The following GALNS variants were observed in gnomAD, a reference collection of about 807,000 sequenced individuals.
GALNS encodes galactosamine (N-acetyl)-6-sulfatase, also known as N-acetylgalactosamine-6-sulfatase.
GALNS carries 65 observed loss-of-function variants against 65.9 expected under a neutral mutation model. That is an observed-to-expected ratio of 0.99 (90% CI 0.81 to 1.21). The LOEUF (loss-of-function observed/expected upper bound fraction) is 1.21, where lower values mean the gene tolerates loss of function less well. GALNS is among the 50% of genes most tolerant of loss of function. The pLI is 0.00. For missense variants in GALNS, 776 were observed against 700.7 expected (o/e 1.11, Z -1.21); for synonymous variants, 346 against 288.9 (o/e 1.20, Z -2.00).
Position 88,831,971 on chromosome 16 carries a change from C to T in GALNS, c.1002+27G>A, listed in dbSNP as rs372660716. 1.3e-5 allele frequency: 21 copies of T among 1,601,784 alleles called. No individual in the cohort carries two copies. In the African/African-American group the frequency reaches 2.1e-4, roughly 16 times the overall value. On this transcript the variant is annotated intron_variant, in intron 9 of 13. Transcript: ENST00000268695. Reference sequence around the variant, plus strand: ...ATGGCTGCAGGCCTGGACCTGCTGCCCGGCAGACCGGTGGACGCTGACTCA... The same window carrying T: ...ATGGCTGCAGGCCTGGACCTGCTGCTCGGCAGACCGGTGGACGCTGACTCA...
intron 13 of GALNS, chr16:88,816,526 GCCC>G: frequency 2.1e-6 from 2 of 943,964 alleles, no homozygotes; most frequent in Non-Finnish European, 2.5e-6. Context: ...CCCGCCCCCC[GCCC>G]CCCAACTAAC....
At chr16:88,850,541 C>A (rs1329350001) in intron 1 of GALNS, among the ~76,000 whole-genome samples, 1 of 152,082 alleles carries the variant, frequency 6.6e-6, no homozygotes, top group Non-Finnish European at 1.5e-5. Flanking sequence ...TCCACGCTCA[C>A]CACTGACTCA....
intron 11 of GALNS, 53 bp from the exon 12 acceptor site, chr16:88,822,763 A>G: frequency 6.3e-7 from 1 of 1,595,432 alleles, no homozygotes; most frequent in Non-Finnish European, 8.5e-7. Flanking sequence ...TGCGGCCGTG[A>G]GGGGCCTCGT....
intron 7 of GALNS, 56 bp downstream of exon 7, chr16:88,835,669 G>C (rs1912042582): frequency 6.2e-7 from 1 of 1,610,936 alleles, no homozygotes; most frequent in Admixed American, 1.7e-5. Flanking sequence ...CATCTCTGGA[G>C]TCAAGCACAG....
chr16:88,835,145 CGGTCCA>C lies in GALNS; in HGVS notation c.898+62_898+67del. 4 of 1,545,924 alleles carry C rather than the reference CGGTCCA, an allele frequency of 2.6e-6. No homozygotes were observed. The South Asian group carries it at 4.8e-5, about 18-fold the overall frequency. ...CCACCACAGACCCCGTGGGCACAGCCGGTCCAGGCACTCTTCGCTGACACGCTGGCT... is the reference window on the plus strand; with the variant it reads ...CCACCACAGACCCCGTGGGCACAGCCGGCACTCTTCGCTGACACGCTGGCT... On this transcript the variant is annotated intron_variant, in intron 8 of 13. Transcript: ENST00000268695.
intron 4 of GALNS, 21 bp from the exon 5 acceptor site, chr16:88,837,786 C>T (rs773015041): frequency 3.7e-6 from 6 of 1,613,570 alleles, no homozygotes; most frequent in Non-Finnish European, 5.1e-6. Context: ...GAACCCAGGA[C>T]ACTTCAGGGA....
intron 8 of GALNS, among the ~76,000 whole-genome samples, chr16:88,834,834 G>A (rs528310516): frequency 1.1e-3 from 173 of 152,316 alleles, no homozygotes; most frequent in Admixed American, 2.0e-3. Flanking sequence ...CACACTCACA[G>A]GGCTGCTCGG....
chr16:88,827,337 G>C (rs1187597891), intron 9 of GALNS, among the ~76,000 whole-genome samples: 4 of 152,184 alleles, frequency 2.6e-5, no homozygotes, highest in Non-Finnish European at 5.9e-5. Context: ...ACAGGCAGGA[G>C]GCTGTCTTTC....
At chr16:88,823,404 G>A (rs1312613772) in intron 11 of GALNS, among the ~76,000 whole-genome samples, 1 of 152,270 alleles carries the variant, frequency 6.6e-6, no homozygotes, top group Non-Finnish European at 1.5e-5. Context: ...GAAAGGCGAG[G>A]TATGCCTCTA....
chr16:88,824,907 A>G (rs772353990), intron 10 of GALNS, 38 bp from the exon 11 acceptor site: 2 of 1,578,800 alleles, frequency 1.3e-6, no homozygotes, highest in Non-Finnish European at 1.7e-6. Flanking sequence ...AATGACAGGA[A>G]GGACACGCTG....
chr16:88,818,625 C>T (rs1171848563), intron 12 of GALNS, among the ~76,000 whole-genome samples: 1 of 152,200 alleles, frequency 6.6e-6, no homozygotes, highest in African/African-American at 2.4e-5. Flanking sequence ...TTCATCTTCA[C>T]GAAGATACGA....
chr16:88,817,985 C>T (rs768521621), intron 13 of GALNS, 22 bp downstream of exon 13: 18 of 1,549,034 alleles, frequency 1.2e-5, no homozygotes, highest in Middle Eastern at 1.7e-4. Context: ...AAGAGACGGC[C>T]GCCCACACAC....
intron 1 of GALNS, among the ~76,000 whole-genome samples, chr16:88,850,951 A>G (rs1467781227): frequency 6.6e-6 from 1 of 152,206 alleles, no homozygotes; most frequent in Non-Finnish European, 1.5e-5. Context: ...CTGTTCCCAG[A>G]CGCCAGCCGA....
At position 88,848,353 on chromosome 16, in the gene GALNS, G is replaced by A. The variant is rs59913729; in HGVS notation, c.121-5524C>T. On this transcript the variant is annotated intron_variant, in intron 1 of 13. Coordinates refer to ENST00000268695, the MANE Select transcript of GALNS (RefSeq NM_000512.5). ...AGCGGCTATAAAAGAATGAAAGGCCGGGCGCGGTGGTTCACGCCTGTAATC... is the reference window on the plus strand; with the variant it reads ...AGCGGCTATAAAAGAATGAAAGGCCAGGCGCGGTGGTTCACGCCTGTAATC... Among the ~76,000 whole-genome samples, 343 of 152,252 alleles carry A rather than the reference G, an allele frequency of 2.3e-3. 1 individual carries two copies. The highest frequency in any genetic ancestry group is 4.1e-3 in the South Asian group (20 of 4,830).
At position 88,842,055 on chromosome 16, in the gene GALNS, A is replaced by C; in HGVS notation, c.245-84T>G. The C allele has an allele frequency of 3.3e-6, 4 of 1,223,884 alleles. No individual in the cohort carries two copies. The South Asian group carries it at 3.8e-5, about 12-fold the overall frequency. 75.8% of individuals were successfully genotyped at this position (1,223,884 alleles called of 1,614,324 possible). ...CGTCAACAAGAGCCCCAACGAGTAG[A>C]CAGACGCGTGACAGACGAGGCACGC... On this transcript the variant is annotated intron_variant, in intron 2 of 13. Transcript: ENST00000268695.
intron 12 of GALNS, among the ~76,000 whole-genome samples, chr16:88,821,723 T>G (rs1910237419): frequency 6.6e-6 from 1 of 152,164 alleles, no homozygotes; most frequent in African/African-American, 2.4e-5. Context: ...CCACCGGCCC[T>G]ACTCAAACCC....
intron 1 of GALNS, among the ~76,000 whole-genome samples, chr16:88,851,436 C>A (rs940945725): frequency 2.6e-5 from 4 of 152,144 alleles, no homozygotes; most frequent in Non-Finnish European, 2.9e-5. Context: ...CAGCTCCCAG[C>A]GTGATTGACG....
intron 1 of GALNS, among the ~76,000 whole-genome samples, chr16:88,851,130 G>T (rs1695284299): frequency 6.6e-6 from 1 of 152,140 alleles, no homozygotes; most frequent in Non-Finnish European, 1.5e-5. Flanking sequence ...GGTGTGGACA[G>T]CCTCCCTGCA....
intron 1 of GALNS, among the ~76,000 whole-genome samples, chr16:88,850,727 C>T (rs1052627492): frequency 6.6e-5 from 10 of 152,204 alleles, no homozygotes; most frequent in South Asian, 2.1e-4. Context: ...ACGGGACGCT[C>T]GGGCTGCGAG....
Sources: allele counts gnomAD v4.1 joint callset (sites outside exome capture counted in the v4.1 genomes callset), GRCh38; gene constraint gnomAD v4.1.1; transcripts MANE v1.5; gene names NCBI Gene and HGNC (gene_info 2026-07-23, HGNC 2026-07-21).